PTPRR: variants seen among roughly 807,000 people sequenced by gnomAD.
PTPRR encodes the protein protein tyrosine phosphatase receptor type R.
A neutral mutation model predicts 77.2 loss-of-function variants in PTPRR; 38 were observed. That is an observed-to-expected ratio of 0.49 (90% CI 0.38 to 0.65). PTPRR has a LOEUF of 0.65. PTPRR is among the 30% of genes least tolerant of loss of function. The pLI, the probability that PTPRR is intolerant of heterozygous loss-of-function variation, is 0.00. For missense variants in PTPRR, 744 were observed against 799.2 expected (o/e 0.93, Z 0.83); for synonymous variants, 299 against 283.1 (o/e 1.06, Z -0.57).
rs552339732 is a variant in PTPRR, at chr12:70,660,005, C to T, written c.1766+935G>A. On this transcript the variant is annotated intron_variant, in intron 12 of 13. Transcript: ENST00000283228. ...AGCCTGGCCAACATGGTGAAACCCC[C>T]GCCTCTACTAAAAATATAAAAATTA... 9.9e-4 allele frequency among the ~76,000 whole-genome samples: 150 copies of T among 151,686 alleles called. 1 individual carries two copies. The highest frequency in any genetic ancestry group is 3.2e-3 in the African/African-American group (131 of 41,360).
chr12:70,852,443 G>C (rs1892586546), intron 2 of PTPRR, among the ~76,000 whole-genome samples: 1 of 152,126 alleles, frequency 6.6e-6, no homozygotes, highest in South Asian at 2.1e-4. Flanking sequence ...AGTTTCTGCA[G>C]TGGTAGCATG....
intron 2 of PTPRR, among the ~76,000 whole-genome samples, chr12:70,767,599 A>C (rs1363994924): frequency 4.6e-5 from 7 of 152,308 alleles, no homozygotes; most frequent in African/African-American, 1.7e-4. Context: ...AACATTAGAC[A>C]GATCAACGAG....
intron 11 of PTPRR, among the ~76,000 whole-genome samples, chr12:70,662,122 G>A (rs541456150): frequency 1.8e-4 from 28 of 152,112 alleles, no homozygotes; most frequent in Non-Finnish European, 3.2e-4. Context: ...CTCTTTCACA[G>A]CTTCCAGGCC....
chr12:70,870,472 G>C (rs574464285), intron 2 of PTPRR, among the ~76,000 whole-genome samples: 4 of 152,170 alleles, frequency 2.6e-5, no homozygotes, highest in Non-Finnish European at 5.9e-5. Flanking sequence ...ACAAGATTAA[G>C]TTTTGCTCCC....
At chr12:70,698,179 C>A (rs914547645) in intron 8 of PTPRR, 86 bp downstream of exon 8, 20 of 1,137,720 alleles carry the variant, frequency 1.8e-5, no homozygotes, top group Non-Finnish European at 2.5e-5. Context: ...ATCCATCAAC[C>A]CATCATCTAC....
chr12:70,831,222 C>G (rs550901871), intron 2 of PTPRR, among the ~76,000 whole-genome samples: 43 of 152,212 alleles, frequency 2.8e-4, no homozygotes, highest in African/African-American at 9.9e-4. Flanking sequence ...TATTATGTTG[C>G]AAAGAATAAA....
rs2136630587 is a variant in PTPRR, at chr12:70,638,915, C to T, written c.*269G>A. ...GCAGATAGAGTCAGTACAGACAAAACAAAATCTGCCTTAGGCTGTGTGATA... is the reference window on the plus strand; with the variant it reads ...GCAGATAGAGTCAGTACAGACAAAATAAAATCTGCCTTAGGCTGTGTGATA... On this transcript the variant is annotated 3_prime_UTR_variant, in exon 14 of 14. Coordinates refer to ENST00000283228, the MANE Select transcript of PTPRR (RefSeq NM_002849.4). The T allele has an allele frequency of 2.3e-6, 1 of 426,980 alleles. No individual in the cohort carries two copies. The highest frequency in any genetic ancestry group is 4.2e-6 in the Non-Finnish European group (1 of 235,500). 26.4% of individuals were successfully genotyped at this position (426,980 alleles called of 1,614,324 possible).
intron 13 of PTPRR, among the ~76,000 whole-genome samples, chr12:70,654,946 A>C (rs1254233231): frequency 1.3e-5 from 2 of 152,204 alleles, no homozygotes; most frequent in African/African-American, 2.4e-5. Flanking sequence ...TACCTAGCCA[A>C]CAAAACTCTT....
intron 2 of PTPRR, among the ~76,000 whole-genome samples, chr12:70,874,373 A>C (rs1455208857): frequency 6.6e-6 from 1 of 152,180 alleles, no homozygotes; most frequent in Non-Finnish European, 1.5e-5. Flanking sequence ...AGAGTCAGGA[A>C]ACTCACAAAG....
At chr12:70,894,839 T>C (rs1210125901) in intron 1 of PTPRR, among the ~76,000 whole-genome samples, 1 of 151,748 alleles carries the variant, frequency 6.6e-6, no homozygotes, top group Non-Finnish European at 1.5e-5. Flanking sequence ...CATTGTCCAA[T>C]CATCATCTTT....
At chr12:70,788,240 G>A (rs1891361671) in intron 2 of PTPRR, among the ~76,000 whole-genome samples, 1 of 152,210 alleles carries the variant, frequency 6.6e-6, no homozygotes, top group African/African-American at 2.4e-5. Context: ...AGCTGATGAT[G>A]TCTCATAGCA....
At chr12:70,742,860 G>A (rs984495006) in intron 6 of PTPRR, among the ~76,000 whole-genome samples, 1 of 152,124 alleles carries the variant, frequency 6.6e-6, no homozygotes, top group Non-Finnish European at 1.5e-5. Context: ...CGGAGAAGCT[G>A]AGGATATTAC....
At chr12:70,694,874 A>G (rs1016509127) in intron 8 of PTPRR, among the ~76,000 whole-genome samples, 2 of 152,196 alleles carry the variant, frequency 1.3e-5, no homozygotes, top group Admixed American at 6.5e-5. Context: ...CTATTGATGT[A>G]TGATTATTAT....
At chr12:70,679,995 G>C (rs1220334348) in intron 10 of PTPRR, among the ~76,000 whole-genome samples, 1 of 151,914 alleles carries the variant, frequency 6.6e-6, no homozygotes, top group Non-Finnish European at 1.5e-5. Context: ...TTTGTGACTT[G>C]GTGGTTTTCC....
intron 2 of PTPRR, among the ~76,000 whole-genome samples, chr12:70,797,581 T>C (rs1350595484): frequency 6.6e-6 from 1 of 152,212 alleles, no homozygotes; most frequent in Admixed American, 6.5e-5. Flanking sequence ...CACTCTCATC[T>C]GACATTATCT....
At chr12:70,687,915 T>G (rs1221842433) in intron 8 of PTPRR, among the ~76,000 whole-genome samples, 1 of 152,130 alleles carries the variant, frequency 6.6e-6, no homozygotes, top group Non-Finnish European at 1.5e-5. Flanking sequence ...AGTCTTGTCC[T>G]TCAGAGCTTT....
chr12:70,845,668 T>G (rs79560673), intron 2 of PTPRR, among the ~76,000 whole-genome samples: 1 of 152,156 alleles, frequency 6.6e-6, no homozygotes, highest in Non-Finnish European at 1.5e-5. Flanking sequence ...AAGTCTTCAT[T>G]GGATAAAATG....
chr12:70,764,804 C>G, intron 2 of PTPRR, 26 bp from the exon 3 acceptor site: 1 of 1,509,758 alleles, frequency 6.6e-7, no homozygotes, highest in Non-Finnish European at 9.2e-7. Flanking sequence ...AAAAATAAAT[C>G]CAAATTATAG....
At chr12:70,906,095 GGAAA>G (rs995031555) in intron 1 of PTPRR, among the ~76,000 whole-genome samples, 1 of 151,790 alleles carries the variant, frequency 6.6e-6, no homozygotes, top group African/African-American at 2.4e-5. Flanking sequence ...TATTGAGAAA[GGAAA>G]GAAACATGCT....
Sources: allele counts gnomAD v4.1 joint callset (sites outside exome capture counted in the v4.1 genomes callset), GRCh38; gene constraint gnomAD v4.1.1; transcripts MANE v1.5; gene names NCBI Gene and HGNC (gene_info 2026-07-23, HGNC 2026-07-21).